The following CSMD1 variants were observed in gnomAD, a reference collection of about 807,000 sequenced individuals.
CSMD1 encodes the protein CUB and sushi domain-containing protein 1.
CSMD1 carries 213 observed loss-of-function variants against 417.5 expected under a neutral mutation model. That is an observed-to-expected ratio of 0.51 (90% CI 0.46 to 0.57). CSMD1 has a LOEUF of 0.57. CSMD1 is among the 20% of genes least tolerant of loss of function. CSMD1 has a pLI of 0.00. For missense variants in CSMD1, 6,923 were observed against 4,529.7 expected (o/e 1.53, Z -15.17); for synonymous variants, 2,862 against 1,736.8 (o/e 1.65, Z -16.11).
At chr8:4,584,551 AG>A (rs1799606789) in intron 2 of CSMD1, among the ~76,000 whole-genome samples, 1 of 152,132 alleles carries the variant, frequency 6.6e-6, no homozygotes, top group Non-Finnish European at 1.5e-5. Flanking sequence ...TGGTTTGCCT[AG>A]AACCAGCTTC....
At chr8:3,828,440 A>T (rs965972663) in intron 5 of CSMD1, among the ~76,000 whole-genome samples, 3 of 152,210 alleles carry the variant, frequency 2.0e-5, no homozygotes, top group African/African-American at 7.2e-5. Flanking sequence ...GAATACAAAA[A>T]GAATAAAATA....
At chr8:4,562,772 A>T (rs1395330115) in intron 2 of CSMD1, among the ~76,000 whole-genome samples, 1 of 152,140 alleles carries the variant, frequency 6.6e-6, no homozygotes, top group African/African-American at 2.4e-5. Flanking sequence ...AGTCAAGAAT[A>T]TATATCCTAA....
intron 5 of CSMD1, among the ~76,000 whole-genome samples, chr8:3,814,957 G>C (rs763752913): frequency 2.0e-5 from 3 of 152,110 alleles, no homozygotes; most frequent in African/African-American, 7.2e-5. Flanking sequence ...CCAAAAAAAT[G>C]ATCTTTGAAA....
chr8:4,048,544 A>G (rs1249363448), intron 3 of CSMD1, among the ~76,000 whole-genome samples: 2 of 152,204 alleles, frequency 1.3e-5, no homozygotes, highest in East Asian at 1.9e-4. Context: ...TAAACCAAGT[A>G]AAAGGGAGAG....
chr8:4,174,501 G>T (rs561394337), intron 3 of CSMD1, among the ~76,000 whole-genome samples: 1 of 151,148 alleles, frequency 6.6e-6, no homozygotes, highest in African/African-American at 2.4e-5. Flanking sequence ...GAGAAACTAT[G>T]GGTATATATA....
At chr8:4,113,345 A>T (rs1006580266) in intron 3 of CSMD1, among the ~76,000 whole-genome samples, 1 of 151,454 alleles carries the variant, frequency 6.6e-6, no homozygotes, top group Non-Finnish European at 1.5e-5. Flanking sequence ...CCCAACAGCC[A>T]AGCTGTGAGT....
chr8:3,822,405 G>C (rs1417341621), intron 5 of CSMD1, among the ~76,000 whole-genome samples: 1 of 152,096 alleles, frequency 6.6e-6, no homozygotes, highest in Non-Finnish European at 1.5e-5. Flanking sequence ...CTGAAACCTT[G>C]GGCATTTTTT....
intron 3 of CSMD1, among the ~76,000 whole-genome samples, chr8:4,053,378 G>A (rs992559185): frequency 2.0e-5 from 3 of 151,658 alleles, no homozygotes; most frequent in African/African-American, 4.8e-5. Flanking sequence ...TACAGACAGT[G>A]TGTGCGCTGA....
Position 3,394,018 on chromosome 8 carries a change from AT to A in CSMD1, c.2593+2175del, listed in dbSNP as rs1379548210. Among the ~76,000 whole-genome samples the A allele has an allele frequency of 2.3e-3, 139 of 61,468 alleles. 6 individuals are homozygous for A. Among genetic ancestry groups the A allele is most frequent in the South Asian group, 5.4e-3 (8 of 1,488 alleles). 40.3% of individuals were successfully genotyped at this position (61,468 alleles called of 152,430 possible). A position where few individuals can be genotyped will look rare whatever the true frequency, so the allele number is the denominator to read the frequency against. On this transcript the variant is annotated intron_variant, in intron 17 of 69. Transcript: ENST00000635120. ...ATAATAATAAAAAAATAAATTATAT[AT>A]ATATATATATATATATATATATATA...
At chr8:3,135,470 TCCCC>T in intron 41 of CSMD1, among the ~76,000 whole-genome samples, 1 of 143,798 alleles carries the variant, frequency 7.0e-6, no homozygotes, top group Non-Finnish European at 1.5e-5. Flanking sequence ...ACCGGCTTCT[TCCCC>T]TTTAAAACAT....
chr8:3,282,366 C>A (rs920029984), intron 26 of CSMD1, among the ~76,000 whole-genome samples: 1 of 151,844 alleles, frequency 6.6e-6, no homozygotes, highest in Non-Finnish European at 1.5e-5. Flanking sequence ...CAAAACTACT[C>A]TAAAAAAATA....
At chr8:4,119,567 C>T (rs1802361396) in intron 3 of CSMD1, among the ~76,000 whole-genome samples, 1 of 139,574 alleles carries the variant, frequency 7.2e-6, no homozygotes, top group Admixed American at 7.4e-5. Flanking sequence ...GGGTGTAGAC[C>T]AGAGGATAAT....
At chr8:3,392,816 T>G (rs1236378678) in intron 17 of CSMD1, among the ~76,000 whole-genome samples, 5 of 152,014 alleles carry the variant, frequency 3.3e-5, no homozygotes, top group Admixed American at 3.3e-4. Context: ...ACCCTCTGAG[T>G]GGGTTGCGAG....
chr8:4,600,402 T>A (rs781740562), intron 2 of CSMD1, among the ~76,000 whole-genome samples: 83 of 152,276 alleles, frequency 5.5e-4, no homozygotes, highest in Non-Finnish European at 8.2e-4. Flanking sequence ...TATGAAAGCA[T>A]AGCTACAGAT....
At chr8:4,129,913 G>C (rs572675293) in intron 3 of CSMD1, among the ~76,000 whole-genome samples, 3 of 151,966 alleles carry the variant, frequency 2.0e-5, no homozygotes, top group East Asian at 3.9e-4. Context: ...TACTTCTCAG[G>C]TAATTTTAAC....
chr8:4,339,599 G>C (rs952327817), intron 3 of CSMD1, among the ~76,000 whole-genome samples: 6 of 152,090 alleles, frequency 3.9e-5, no homozygotes, highest in African/African-American at 1.2e-4. Context: ...CAAAGAACAG[G>C]TGGGAAATCG....
At chr8:3,622,892 C>G (rs962612259) in intron 7 of CSMD1, among the ~76,000 whole-genome samples, 27 of 152,108 alleles carry the variant, frequency 1.8e-4, no homozygotes, top group Admixed American at 1.8e-3. Context: ...TCCTTAGTAC[C>G]TCAGAGAAAC....
intron 5 of CSMD1, among the ~76,000 whole-genome samples, chr8:3,945,623 T>C (rs1359493234): frequency 6.6e-6 from 1 of 152,112 alleles, no homozygotes; most frequent in Non-Finnish European, 1.5e-5. Flanking sequence ...AATGTACTGG[T>C]TAACTCACAG....
chr8:3,279,846 C>G (rs1014623052), intron 26 of CSMD1, among the ~76,000 whole-genome samples: 12 of 152,110 alleles, frequency 7.9e-5, no homozygotes, highest in African/African-American at 2.9e-4. Context: ...GTCATGAGAA[C>G]AGCATGGGGG....
Sources: gnomAD v4.1 joint callset for allele counts (sites outside exome capture counted in the v4.1 genomes callset) on GRCh38, gnomAD v4.1.1 for gene constraint, MANE v1.5 for transcripts, NCBI Gene and HGNC (gene_info 2026-07-23, HGNC 2026-07-21) for gene names.